CSGALNACT1: variants seen among roughly 807,000 people sequenced by gnomAD.
CSGALNACT1 encodes the protein beta4GalNAcT-1.
In CSGALNACT1, 52 loss-of-function variants were observed where a neutral mutation model predicts 51.0. The observed-to-expected ratio is 1.02, with a 90% CI of 0.82 to 1.29. The LOEUF is 1.29. Ranked by LOEUF, CSGALNACT1 falls within the 50% of genes most tolerant of loss-of-function variation. The pLI is 0.00. For missense variants in CSGALNACT1, 935 were observed against 679.2 expected (o/e 1.38, Z -4.19); for synonymous variants, 341 against 254.4 (o/e 1.34, Z -3.24).
chr8:19,589,573 T>G (rs1396632320), intron 3 of CSGALNACT1, among the ~76,000 whole-genome samples: 1 of 152,172 alleles, frequency 6.6e-6, no homozygotes, highest in African/African-American at 2.4e-5. Flanking sequence ...TCAAGTGACC[T>G]TCCCACCTTG....
intron 5 of CSGALNACT1, among the ~76,000 whole-genome samples, chr8:19,449,252 G>C (rs921376700): frequency 5.3e-5 from 8 of 152,138 alleles, no homozygotes; most frequent in African/African-American, 1.7e-4. Context: ...TCTTCAAAGA[G>C]AAACCGTTAT....
exon 10 of CSGALNACT1, chr8:19,404,844 T>C (rs1458267432): frequency 2.2e-6 from 1 of 454,562 alleles, no homozygotes; most frequent in Non-Finnish European, 4.4e-6. Flanking sequence ...TGTCATTTTC[T>C]TTTCCTCCAG....
At chr8:19,514,496 T>C (rs927983536) in intron 3 of CSGALNACT1, among the ~76,000 whole-genome samples, 1 of 105,344 alleles carries the variant, frequency 9.5e-6, no homozygotes, top group Non-Finnish European at 2.0e-5. Context: ...TATATATATA[T>C]ATATATATAT....
chr8:19,503,318 G>A (rs995505897), intron 4 of CSGALNACT1, among the ~76,000 whole-genome samples: 10 of 152,268 alleles, frequency 6.6e-5, no homozygotes, highest in Admixed American at 3.3e-4. Flanking sequence ...CTAAAAGAAG[G>A]TCAGCCAAGC....
At chr8:19,441,724 C>T (rs2061360633) in intron 5 of CSGALNACT1, among the ~76,000 whole-genome samples, 2 of 151,852 alleles carry the variant, frequency 1.3e-5, no homozygotes. Context: ...CAAATGGGAT[C>T]TAATTAAACT....
intron 1 of CSGALNACT1, among the ~76,000 whole-genome samples, chr8:19,635,433 C>A (rs1261030930): frequency 6.6e-6 from 1 of 152,200 alleles, no homozygotes; most frequent in African/African-American, 2.4e-5. Flanking sequence ...TGATCTAGGC[C>A]TGTTGCCCTA....
intron 5 of CSGALNACT1, among the ~76,000 whole-genome samples, chr8:19,454,947 A>C (rs918598042): frequency 1.3e-5 from 2 of 152,214 alleles, no homozygotes; most frequent in Admixed American, 6.5e-5. Context: ...CTATAAATTT[A>C]AGCAAGATAC....
chr8:19,701,153 G>GTCTTTTTTT (rs2061846459), intron 1 of CSGALNACT1, among the ~76,000 whole-genome samples: 1 of 93,280 alleles, frequency 1.1e-5, no homozygotes, highest in Non-Finnish European at 2.0e-5. Flanking sequence ...TCTATTATCC[G>GTCTTTTTTT]TTTTTTTTTT....
intron 8 of CSGALNACT1, among the ~76,000 whole-genome samples, chr8:19,416,895 C>T (rs1405391596): frequency 4.0e-5 from 6 of 151,714 alleles, no homozygotes; most frequent in Admixed American, 3.9e-4. Context: ...CAGGGTCTCA[C>T]TCCATCACCC....
intron 8 of CSGALNACT1, among the ~76,000 whole-genome samples, chr8:19,417,907 G>C (rs2057201684): frequency 6.6e-6 from 1 of 152,176 alleles, no homozygotes; most frequent in Non-Finnish European, 1.5e-5. Flanking sequence ...TCCTCTTCTG[G>C]CTTGCCTTTC....
intron 8 of CSGALNACT1, among the ~76,000 whole-genome samples, chr8:19,415,598 C>G (rs1210193158): frequency 2.0e-5 from 3 of 152,180 alleles, no homozygotes; most frequent in Admixed American, 1.3e-4. Context: ...ATTCCCTTCG[C>G]AACTCCTACC....
chr8:19,660,670 T>G (rs1158063655), intron 1 of CSGALNACT1, among the ~76,000 whole-genome samples: 3 of 152,054 alleles, frequency 2.0e-5, no homozygotes, highest in Non-Finnish European at 4.4e-5. Flanking sequence ...CCCCTCTTAC[T>G]CACAAAAGCT....
chr8:19,730,347 C>G (rs75206550), intron 1 of CSGALNACT1, among the ~76,000 whole-genome samples: 4,430 of 152,096 alleles, frequency 0.029, 224 homozygotes, highest in African/African-American at 0.1. Context: ...GAAAATGCGG[C>G]CACTAACAGA....
chr8:19,504,298 G>A (rs1337664959), intron 4 of CSGALNACT1, among the ~76,000 whole-genome samples: 1 of 152,056 alleles, frequency 6.6e-6, no homozygotes, highest in African/African-American at 2.4e-5. Context: ...GGATGGTCTC[G>A]ATCTCCCGAC....
At chr8:19,444,323 T>G (rs1374015769) in intron 5 of CSGALNACT1, among the ~76,000 whole-genome samples, 1 of 152,224 alleles carries the variant, frequency 6.6e-6, no homozygotes, top group Non-Finnish European at 1.5e-5. Context: ...GAAAAAAAAG[T>G]TTGTGCATAT....
intron 1 of CSGALNACT1, among the ~76,000 whole-genome samples, chr8:19,751,537 C>T (rs1441363766): frequency 1.7e-4 from 26 of 152,156 alleles, no homozygotes; most frequent in Admixed American, 1.4e-3. Flanking sequence ...GAATGATCTA[C>T]TCTGAAAGCA....
chr8:19,518,399 G>A (rs540736742), intron 3 of CSGALNACT1, among the ~76,000 whole-genome samples: 138 of 152,268 alleles, frequency 9.1e-4, no homozygotes, highest in African/African-American at 3.2e-3. Context: ...GTAAGGACCA[G>A]ACAAAATGGC....
rs1289452347 is a variant in CSGALNACT1 at position 19,615,360 on chromosome 8, C to T, written c.-543-13495G>A. 2.0e-5 allele frequency among the ~76,000 whole-genome samples: 3 copies of T among 152,198 alleles called. No homozygotes were observed. The East Asian group carries it at 5.8e-4, about 29-fold the overall frequency. ...CAAAGGAATTTGCCCTTCCAAGTGG[C>T]GTCCTGGGAGGACAGACACTTATTC... On this transcript the variant is annotated intron_variant, in intron 1 of 9. Coordinates refer to the CSGALNACT1 transcript ENST00000332246.
intron 3 of CSGALNACT1, among the ~76,000 whole-genome samples, chr8:19,553,640 A>ACACATATATATATATATAT: frequency 1.7e-5 from 2 of 117,060 alleles, no homozygotes; most frequent in African/African-American, 7.4e-5. Context: ...TATATATATA[A>ACACATATATATATATATAT]AAAAATATGT....
Sources: gnomAD v4.1 joint callset for allele counts (sites outside exome capture counted in the v4.1 genomes callset) on GRCh38, gnomAD v4.1.1 for gene constraint, MANE v1.5 for transcripts, NCBI Gene and HGNC (gene_info 2026-07-23, HGNC 2026-07-21) for gene names.